KLHL14: variants seen among roughly 807,000 people sequenced by gnomAD.
The protein encoded by KLHL14 is kelch like family member 14, also known as kelch-like protein 14.
In KLHL14, 22 loss-of-function variants were observed where a neutral mutation model predicts 64.3. That is an observed-to-expected ratio of 0.34 (90% CI 0.24 to 0.49). The LOEUF is 0.49. Among genes scored for constraint, KLHL14 ranks in the 20% least tolerant of loss-of-function variants. The pLI is 0.99. For missense variants in KLHL14, 661 were observed against 789.0 expected (o/e 0.84, Z 1.94); for synonymous variants, 322 against 333.4 (o/e 0.97, Z 0.37).
At position 32,712,419 on chromosome 18, in the gene KLHL14, C is replaced by T. The variant is rs74965367; in HGVS notation, c.1070-16867G>A. ...ATCAGTAGACCTGTACTGTGCCTTC[C>T]TTTTGTTAGCCTGGATGGACCTTCC... On this transcript the variant is annotated intron_variant, in intron 3 of 8. Coordinates refer to ENST00000359358, the MANE Select transcript of KLHL14 (RefSeq NM_020805.3). Among the ~76,000 whole-genome samples the T allele has an allele frequency of 4.5e-3, 678 of 152,278 alleles. 10 individuals carry two copies. Among genetic ancestry groups the T allele is most frequent in the South Asian group, 0.029 (141 of 4,820 alleles).
At chr18:32,772,067 G>T in intron 1 of KLHL14, 1 of 284,454 alleles carries the variant, frequency 3.5e-6, no homozygotes, top group South Asian at 3.4e-5. Flanking sequence ...TGAGCAGAAA[G>T]GGACCCTCTG....
rs551247851 is a variant in KLHL14 at position 32,741,642 on chromosome 18, G to T, written c.1069+286C>A. Among the ~76,000 whole-genome samples, 10 of 152,202 alleles carry T rather than the reference G, an allele frequency of 6.6e-5. No individual in the cohort carries two copies. In the East Asian group the frequency reaches 1.9e-3, roughly 29 times the overall value. ...ACAACAAAAAGAACAGAAGAATTTT[G>T]GGGGGAAGATCTTTGCTCCTCCCCC... is the stretch of plus-strand genomic sequence containing the variant. On this transcript the variant is annotated intron_variant, in intron 3 of 8. Coordinates refer to ENST00000359358, the MANE Select transcript of KLHL14 (RefSeq NM_020805.3).
rs777441133 is a variant in KLHL14, at chr18:32,695,455, A to G, written c.1159+8T>C. 10 of 1,584,952 alleles carry G rather than the reference A, an allele frequency of 6.3e-6. No individual in the cohort carries two copies. Among genetic ancestry groups the G allele is most frequent in the East Asian group, 2.2e-5 (1 of 44,648 alleles). On this transcript the variant is annotated splice_region_variant and intron_variant, in intron 4 of 8. Transcript: ENST00000359358. ...TGAGCACCTCCAATTAAGTTGTTCAATAGTTACCATTCGGATTCCACTGGT... is the reference window on the plus strand; with the variant it reads ...TGAGCACCTCCAATTAAGTTGTTCAGTAGTTACCATTCGGATTCCACTGGT...
chr18:32,740,619 A>G (rs554800406), intron 3 of KLHL14, among the ~76,000 whole-genome samples: 38 of 152,342 alleles, frequency 2.5e-4, no homozygotes, highest in African/African-American at 8.7e-4. Context: ...GTTTCTGACA[A>G]ACCTTTAAAA....
chr18:32,711,374 T>C (rs1156473761), intron 3 of KLHL14, among the ~76,000 whole-genome samples: 1 of 152,186 alleles, frequency 6.6e-6, no homozygotes, highest in Non-Finnish European at 1.5e-5. Context: ...TTTTAATAAC[T>C]GAGAAACTAG....
At chr18:32,711,485 C>T (rs689523) in intron 3 of KLHL14, among the ~76,000 whole-genome samples, 36,438 of 152,096 alleles carry the variant, frequency 0.24, 4,567 homozygotes, top group Middle Eastern at 0.32. Flanking sequence ...CACTACTTCT[C>T]AATAGATTTG....
intron 2 of KLHL14, among the ~76,000 whole-genome samples, chr18:32,758,284 G>A (rs1355764063): frequency 6.6e-6 from 1 of 152,034 alleles, no homozygotes; most frequent in Non-Finnish European, 1.5e-5. Context: ...ACCAGGCCCA[G>A]AGACATTTTT....
intron 4 of KLHL14, among the ~76,000 whole-genome samples, chr18:32,693,744 A>G (rs527843678): frequency 6.6e-6 from 1 of 152,248 alleles, no homozygotes; most frequent in South Asian, 2.1e-4. Flanking sequence ...ATATTCACTG[A>G]TGGCTTTAAA....
intron 7 of KLHL14, among the ~76,000 whole-genome samples, chr18:32,678,168 C>T (rs1008022328): frequency 1.3e-5 from 2 of 152,134 alleles, no homozygotes; most frequent in South Asian, 4.1e-4. Context: ...TTCCTGGTCT[C>T]TACTGGAGCC....
rs946140802 is a variant in KLHL14, at chr18:32,770,059, T to C, written c.533A>G (p.Asn178Ser). 1.2e-6 allele frequency: 2 copies of C among 1,613,846 alleles called. No individual in the cohort carries two copies. The highest frequency in any genetic ancestry group is 1.7e-6 in the Non-Finnish European group (2 of 1,179,960). Residue 178 changes from asparagine to serine, a missense_variant, in exon 2 of 9, where the codon AAC (asparagine) becomes AGC (serine). By Grantham distance (46) the Asn-to-Ser change is conservative. Coordinates refer to ENST00000359358, the MANE Select transcript of KLHL14 (RefSeq NM_020805.3). This position sits in a 1 kb window ranked among gnomAD's most constrained non-coding sequence, Gnocchi z 6.7. ...GTAGTTCTGCACCGAGATCTGGTCG[T>C]TGAGGAACTGCACGCAGAGCTTGGT... ...QVTKLCVQFL[N>S]DQISVQNYKQ... is the part of the protein sequence containing the mutation.
intron 3 of KLHL14, among the ~76,000 whole-genome samples, chr18:32,728,784 C>T (rs528913762): frequency 5.0e-4 from 76 of 152,200 alleles, no homozygotes; most frequent in African/African-American, 1.8e-3. Flanking sequence ...GATTTAGACA[C>T]AGAGATACAG....
chr18:32,688,533 G>C (rs2049891094), intron 4 of KLHL14, among the ~76,000 whole-genome samples: 3 of 152,218 alleles, frequency 2.0e-5, no homozygotes, highest in Non-Finnish European at 4.4e-5. Context: ...ATAGTCACCT[G>C]CTCACAGATG....
intron 2 of KLHL14, among the ~76,000 whole-genome samples, chr18:32,764,039 G>C (rs2050327984): frequency 6.6e-6 from 1 of 152,182 alleles, no homozygotes; most frequent in Admixed American, 6.5e-5. Context: ...TTTGATCAAA[G>C]CAGCTGGAGA....
Position 32,726,485 on chromosome 18 carries a change from G to A in KLHL14, c.1069+15443C>T, listed in dbSNP as rs530893945. On this transcript the variant is annotated intron_variant, in intron 3 of 8. Coordinates refer to ENST00000359358, the MANE Select transcript of KLHL14 (RefSeq NM_020805.3). Reference sequence around the variant, plus strand: ...CTAAAAATACAAAAATTAGCCAGGCGTGGTCGTGGGCGCCTGTAATCCCAG... The same window carrying A: ...CTAAAAATACAAAAATTAGCCAGGCATGGTCGTGGGCGCCTGTAATCCCAG... 9.2e-5 allele frequency among the ~76,000 whole-genome samples: 14 copies of A among 152,102 alleles called. No homozygotes were observed. The East Asian group carries it at 1.7e-3, about 19-fold the overall frequency.
At chr18:32,761,961 A>G (rs2050316483) in intron 2 of KLHL14, among the ~76,000 whole-genome samples, 1 of 152,274 alleles carries the variant, frequency 6.6e-6, no homozygotes, top group Middle Eastern at 3.4e-3. Context: ...TGCCAGGTCA[A>G]ATTACATGGG....
At chr18:32,717,001 T>C (rs898555966) in intron 3 of KLHL14, among the ~76,000 whole-genome samples, 3 of 152,172 alleles carry the variant, frequency 2.0e-5, no homozygotes, top group East Asian at 1.9e-4. Context: ...CGGAATGAGA[T>C]TGAAATATCC....
chr18:32,697,477 C>T (rs185938374), intron 3 of KLHL14, among the ~76,000 whole-genome samples: 8 of 152,278 alleles, frequency 5.3e-5, no homozygotes, highest in Middle Eastern at 3.4e-3. Context: ...TCGGCTACAA[C>T]GAACTTATTC....
rs1322579239 is a variant in KLHL14, at chr18:32,683,934, T to TAA, written c.1238+3219_1238+3220dup. ...AATATTACTAGAAAAACAAAATATT[T>TAA]AAAATTTGATGCATTTTTGACATAT... On this transcript the variant is annotated intron_variant, in intron 5 of 8. Coordinates refer to ENST00000359358, the MANE Select transcript of KLHL14 (RefSeq NM_020805.3). The surrounding 1 kb of genome is among the most constrained non-coding windows in gnomAD (Gnocchi z 4.2). Among the ~76,000 whole-genome samples the TAA allele has an allele frequency of 3.3e-5, 5 of 152,232 alleles. No individual in the cohort carries two copies. The highest frequency in any genetic ancestry group is 7.3e-5 in the Non-Finnish European group (5 of 68,036).
intron 2 of KLHL14, among the ~76,000 whole-genome samples, chr18:32,760,851 G>A (rs1480486318): frequency 1.3e-5 from 2 of 152,178 alleles, no homozygotes; most frequent in Non-Finnish European, 2.9e-5. Flanking sequence ...AATATAAATT[G>A]CTGAGAGCTG....
Sources: gnomAD v4.1 joint callset for allele counts (sites outside exome capture counted in the v4.1 genomes callset) on GRCh38, gnomAD v4.1.1 for gene constraint, Gnocchi (gnomAD v3.1) non-coding constraint, MANE v1.5 for transcripts, NCBI Gene and HGNC (gene_info 2026-07-23, HGNC 2026-07-21) for gene names.